S100Z: variants seen among roughly 807,000 people sequenced by gnomAD.
S100Z encodes the protein protein S100-Z.
Under a neutral mutation model 8.5 loss-of-function variants are expected in S100Z, and 11 were observed. The ratio of observed to expected loss-of-function variants is 1.30; its 90% CI spans 0.82 to 2.15. The LOEUF is 2.15. Ranked by LOEUF, S100Z falls within the 30% of genes most tolerant of loss-of-function variation. The pLI, the probability that S100Z is intolerant of heterozygous loss-of-function variation, is 0.00. For synonymous variants in S100Z, 34 were observed against 43.8 expected, an observed-to-expected ratio of 0.78 and a Z score of 0.89; for missense variants, 126 against 117.9, an observed-to-expected ratio of 1.07 and a Z score of -0.32.
At chr5:76,869,384 G>A (rs963787687) in intron 1 of S100Z, among the ~76,000 whole-genome samples, 1 of 152,186 alleles carries the variant, frequency 6.6e-6, no homozygotes, top group Non-Finnish European at 1.5e-5. Context: ...AAGAGTGCAG[G>A]AAAATGTCCA....
chr5:76,871,926 C>G (rs1743024196), intron 2 of S100Z, among the ~76,000 whole-genome samples: 1 of 152,204 alleles, frequency 6.6e-6, no homozygotes, highest in Non-Finnish European at 1.5e-5. Flanking sequence ...ATGACTTCGC[C>G]TATAACTTAA....
intron 1 of S100Z, among the ~76,000 whole-genome samples, chr5:76,863,278 A>G (rs575094055): frequency 1.3e-5 from 2 of 152,350 alleles, no homozygotes; most frequent in South Asian, 4.1e-4. Flanking sequence ...AGGAGGTAAA[A>G]CATGCACACC....
chr5:76,951,463 G>A, the S100Z span, among the ~76,000 whole-genome samples: 2 of 152,224 alleles, frequency 1.3e-5, no homozygotes. Context: ...GGTCTCCAAG[G>A]TGGGTGCTGG....
the S100Z span, chr5:76,952,908 G>C: frequency 1.8e-6 from 1 of 553,798 alleles, no homozygotes; most frequent in Middle Eastern, 4.8e-4. Flanking sequence ...GTGGCTGAGA[G>C]CTGGACCCTC....
intron 1 of S100Z, among the ~76,000 whole-genome samples, chr5:76,864,394 T>A (rs1414894412): frequency 0.014 from 1,441 of 103,676 alleles, 56 homozygotes; most frequent in African/African-American, 0.072. Flanking sequence ...ATATTTTTTT[T>A]TTTTTTTTTT....
chr5:76,851,395 G>C (rs1361829845), intron 1 of S100Z, among the ~76,000 whole-genome samples: 1 of 152,154 alleles, frequency 6.6e-6, no homozygotes, highest in Admixed American at 6.5e-5. Context: ...CAGGAGGTGA[G>C]TTGGGATCTC....
At chr5:76,916,801 G>T (rs1451625423) in intron 4 of S100Z, among the ~76,000 whole-genome samples, 2 of 152,148 alleles carry the variant, frequency 1.3e-5, no homozygotes, top group Non-Finnish European at 1.5e-5. Context: ...GAGAGGCAAA[G>T]TTATAGCATG....
intron 1 of S100Z, among the ~76,000 whole-genome samples, chr5:76,853,990 C>G (rs2150618018): frequency 6.6e-6 from 1 of 152,132 alleles, no homozygotes; most frequent in African/African-American, 2.4e-5. Context: ...CCTGCTCTGG[C>G]CATGTAAGAT....
At chr5:76,941,936 T>C in the S100Z span, among the ~76,000 whole-genome samples, 4 of 152,176 alleles carry the variant, frequency 2.6e-5, no homozygotes, top group Non-Finnish European at 4.4e-5. Flanking sequence ...TATTCACTGG[T>C]TTATAATCCA....
chr5:76,857,827 G>T (rs1183560601), intron 1 of S100Z, among the ~76,000 whole-genome samples: 3 of 152,018 alleles, frequency 2.0e-5, no homozygotes, highest in East Asian at 3.9e-4. Flanking sequence ...AACCAAAGCT[G>T]CAGTCTTCTA....
intron 4 of S100Z, among the ~76,000 whole-genome samples, chr5:76,891,075 T>C (rs763898490): frequency 1.1e-4 from 16 of 152,180 alleles, no homozygotes; most frequent in Non-Finnish European, 1.6e-4. Flanking sequence ...TTGGCAAGGC[T>C]AGTCTTGAAC....
chr5:76,909,405 A>G (rs2150678442), intron 4 of S100Z, among the ~76,000 whole-genome samples: 1 of 152,260 alleles, frequency 6.6e-6, no homozygotes, highest in East Asian at 1.9e-4. Flanking sequence ...TACAAATTAC[A>G]ATACTATCCT....
chr5:76,851,207 C>CACCTGA (rs1750719024), intron 1 of S100Z, among the ~76,000 whole-genome samples: 2 of 152,176 alleles, frequency 1.3e-5, no homozygotes, highest in African/African-American at 4.8e-5. Context: ...GAATGGGCAG[C>CACCTGA]ACAGTGGCAG....
chr5:76,890,799 G>A (rs1246687426), intron 4 of S100Z, among the ~76,000 whole-genome samples: 1 of 152,164 alleles, frequency 6.6e-6, no homozygotes, highest in African/African-American at 2.4e-5. Context: ...GTGCTAATGT[G>A]AGAAATTTGA....
chr5:76,945,151 G>C, the S100Z span, among the ~76,000 whole-genome samples: 1 of 152,220 alleles, frequency 6.6e-6, no homozygotes, highest in African/African-American at 2.4e-5. Flanking sequence ...ATCTAGGGCT[G>C]TGCAGGATGT....
the S100Z span, among the ~76,000 whole-genome samples, chr5:76,927,765 C>T: frequency 5.3e-4 from 81 of 152,360 alleles, no homozygotes; most frequent in African/African-American, 1.9e-3. Context: ...GGTCCAGCCT[C>T]ATTCCCATGT....
At chr5:76,905,025 G>A (rs975701254) in intron 4 of S100Z, among the ~76,000 whole-genome samples, 2 of 152,170 alleles carry the variant, frequency 1.3e-5, no homozygotes, top group Middle Eastern at 3.4e-3. Flanking sequence ...TGGCAATATC[G>A]AAGACATTTT....
intron 4 of S100Z, among the ~76,000 whole-genome samples, chr5:76,887,397 T>A (rs1344081878): frequency 1.6e-5 from 2 of 124,718 alleles, no homozygotes; most frequent in Admixed American, 7.6e-5. Flanking sequence ...GTGCCAGGCT[T>A]TTTTTTTTTT....
intron 4 of S100Z, among the ~76,000 whole-genome samples, chr5:76,884,574 C>G (rs1743530259): frequency 6.6e-6 from 1 of 152,186 alleles, no homozygotes; most frequent in Admixed American, 6.5e-5. Flanking sequence ...GAGAAAGAGC[C>G]TAAACGCTGG....
Sources: gnomAD v4.1 joint callset for allele counts (sites outside exome capture counted in the v4.1 genomes callset) on GRCh38, gnomAD v4.1.1 for gene constraint, MANE v1.5 for transcripts, NCBI Gene and HGNC (gene_info 2026-07-23, HGNC 2026-07-21) for gene names.